The following NCOA7 variants were observed in gnomAD, a reference collection of about 807,000 sequenced individuals.
NCOA7 encodes the protein nuclear receptor coactivator 7.
NCOA7 carries 45 observed loss-of-function variants against 104.3 expected under a neutral mutation model. The observed-to-expected ratio is 0.43, with a 90% CI of 0.34 to 0.55. NCOA7 has a LOEUF of 0.55. Among genes scored for constraint, NCOA7 ranks in the 20% least tolerant of loss-of-function variants. NCOA7 has a pLI of 0.02. For missense variants in NCOA7, 1,041 were observed against 1,119.7 expected (o/e 0.93, Z 1.00); for synonymous variants, 398 against 402.3 (o/e 0.99, Z 0.13).
intron 11 of NCOA7, among the ~76,000 whole-genome samples, chr6:125,918,965 GA>G (rs1028853000): frequency 6.7e-6 from 1 of 149,986 alleles, no homozygotes; most frequent in African/African-American, 2.5e-5. Context: ...AAAAAAAAAA[GA>G]AAAAAAACTC....
chr6:125,905,513 C>T (rs145235796), intron 10 of NCOA7, among the ~76,000 whole-genome samples: 6,950 of 152,208 alleles, frequency 0.046, 486 homozygotes, highest in African/African-American at 0.15. Flanking sequence ...CTGCCTGCTT[C>T]GGCCTCCCGA....
At chr6:125,919,624 A>AT (rs1203491714) in intron 11 of NCOA7, among the ~76,000 whole-genome samples, 3 of 151,974 alleles carry the variant, frequency 2.0e-5, no homozygotes, top group African/African-American at 4.8e-5. Context: ...TCCATATTTG[A>AT]TTTTTTTTCA....
chr6:125,827,529 G>C (rs190752934), intron 2 of NCOA7, among the ~76,000 whole-genome samples: 13 of 152,262 alleles, frequency 8.5e-5, no homozygotes, highest in African/African-American at 2.9e-4. Flanking sequence ...TGCAAAAGTA[G>C]TATCCACTTT....
intron 10 of NCOA7, 113 bp from the exon 11 acceptor site, chr6:125,915,220 A>G: frequency 7.6e-7 from 1 of 1,313,886 alleles, no homozygotes; most frequent in Non-Finnish European, 1.0e-6. Flanking sequence ...TTTTCAAATT[A>G]GTAAAATGGA....
chr6:125,874,325 CA>C (rs1161708659), intron 3 of NCOA7, among the ~76,000 whole-genome samples: 1 of 151,938 alleles, frequency 6.6e-6, no homozygotes, highest in Non-Finnish European at 1.5e-5. Context: ...ACTCTTGTCT[CA>C]AAAAAAGCCC....
At chr6:125,816,511 A>C (rs907656515) in intron 2 of NCOA7, among the ~76,000 whole-genome samples, 2 of 152,200 alleles carry the variant, frequency 1.3e-5, no homozygotes, top group Admixed American at 6.5e-5. Flanking sequence ...TTGGGGAAGC[A>C]CAAGTTAAAC....
At chr6:125,879,006 A>G (rs962565254) in intron 5 of NCOA7, among the ~76,000 whole-genome samples, 1 of 152,194 alleles carries the variant, frequency 6.6e-6, no homozygotes, top group South Asian at 2.1e-4. Context: ...ATCGCAATCT[A>G]TGTTACCTAA....
intron 2 of NCOA7, among the ~76,000 whole-genome samples, chr6:125,837,851 A>G (rs1779759366): frequency 2.0e-5 from 3 of 152,236 alleles, no homozygotes; most frequent in Non-Finnish European, 4.4e-5. Context: ...AGACCAGGGA[A>G]CATATAAATT....
Position 125,882,465 on chromosome 6 carries a change from A to C in NCOA7, c.613A>C (p.Arg205=), listed in dbSNP as rs776552678. The C allele has an allele frequency of 1.2e-6, 2 of 1,613,806 alleles. No homozygotes were observed. The highest frequency in any genetic ancestry group is 3.3e-5 in the Admixed American group (2 of 59,948). Residue 205 remains arginine (R), a synonymous_variant, in exon 7 of 16, where the codon AGA becomes CGA. Transcript: ENST00000392477. ...ACGAAAGGCCTTGAAACCCATTGAA[A>C]GAGTCTTATCGTCTACTTCTGAAGA... ...LARKALKPIE[R]VLSSTSEEDE...
In NCOA7 at chr6:125,874,880, A is replaced by G; in HGVS notation, c.272-9A>G. On this transcript the variant is annotated splice_polypyrimidine_tract_variant and intron_variant, in intron 3 of 15. Transcript: ENST00000392477. The stretch of plus-strand genomic sequence containing the variant: ...GAAATTATTCATTTACATACAATTT[A>G]TTCTTCAGATGACAATCAAAACAAA... 2 of 1,604,518 alleles carry G rather than the reference A, an allele frequency of 1.2e-6. No homozygotes were observed. Among genetic ancestry groups the G allele is most frequent in the East Asian group, 2.2e-5 (1 of 44,790 alleles).
chr6:125,878,141 T>C (rs1783529705), intron 4 of NCOA7, 122 bp from the exon 5 acceptor site: 1 of 494,946 alleles, frequency 2.0e-6, no homozygotes. Flanking sequence ...TTCTTTCTTA[T>C]AGTCTATCTT....
At chr6:125,848,797 A>T (rs1343523191) in intron 2 of NCOA7, among the ~76,000 whole-genome samples, 1 of 152,214 alleles carries the variant, frequency 6.6e-6, no homozygotes, top group Non-Finnish European at 1.5e-5. Flanking sequence ...TTAAAGTATA[A>T]TAAAAAATAA....
At chr6:125,884,832 C>T (rs1194785324) in intron 7 of NCOA7, among the ~76,000 whole-genome samples, 1 of 152,134 alleles carries the variant, frequency 6.6e-6, no homozygotes, top group Non-Finnish European at 1.5e-5. Context: ...TCCCATTTTG[C>T]AGACAGAGAA....
intron 3 of NCOA7, among the ~76,000 whole-genome samples, chr6:125,873,397 C>T (rs1783093861): frequency 6.6e-6 from 1 of 151,870 alleles, no homozygotes; most frequent in African/African-American, 2.4e-5. Context: ...TTTTTAGTGT[C>T]CATCTGTGAT....
At chr6:125,897,595 A>G (rs370581814) in intron 10 of NCOA7, among the ~76,000 whole-genome samples, 3 of 152,210 alleles carry the variant, frequency 2.0e-5, no homozygotes, top group African/African-American at 7.2e-5. Flanking sequence ...TCATATCAAT[A>G]TATATTTAAA....
chr6:125,856,573 C>T (rs1410305782), intron 3 of NCOA7, among the ~76,000 whole-genome samples: 2 of 152,196 alleles, frequency 1.3e-5, no homozygotes, highest in South Asian at 2.1e-4. Flanking sequence ...AGGATGGTCT[C>T]GATCTCTTGA....
chr6:125,833,749 C>T (rs1410960259), intron 2 of NCOA7, among the ~76,000 whole-genome samples: 1 of 152,154 alleles, frequency 6.6e-6, no homozygotes, highest in Non-Finnish European at 1.5e-5. Flanking sequence ...CCCAAATAAA[C>T]ATGCAGTTCT....
intron 1 of NCOA7, among the ~76,000 whole-genome samples, chr6:125,806,290 G>A (rs772684039): frequency 2.6e-5 from 4 of 152,138 alleles, no homozygotes; most frequent in Non-Finnish European, 2.9e-5. Context: ...ACCGTGAGCC[G>A]AGATCGTGGC....
intron 2 of NCOA7, among the ~76,000 whole-genome samples, chr6:125,820,697 T>C (rs1452927327): frequency 6.6e-6 from 1 of 152,220 alleles, no homozygotes; most frequent in African/African-American, 2.4e-5. Context: ...TACTTCTGTG[T>C]CTACCTACAT....
Sources: allele counts gnomAD v4.1 joint callset (sites outside exome capture counted in the v4.1 genomes callset), GRCh38; gene constraint gnomAD v4.1.1; transcripts MANE v1.5; gene names NCBI Gene and HGNC (gene_info 2026-07-23, HGNC 2026-07-21).